EPHA1: variants seen among roughly 807,000 people sequenced by gnomAD.
EPHA1 encodes ephrin type-A receptor 1.
Under a neutral mutation model 110.1 loss-of-function variants are expected in EPHA1, and 92 were observed. That is an observed-to-expected ratio of 0.84 (90% confidence interval 0.71 to 0.99). The LOEUF (loss-of-function observed/expected upper bound fraction) is 0.99, where lower values mean the gene tolerates loss of function less well. Among genes scored for constraint, EPHA1 ranks in the 50% least tolerant of loss-of-function variants. The pLI is 0.00. For missense variants in EPHA1, 1,204 were observed against 1,285.4 expected (o/e 0.94, Z 0.97); for synonymous variants, 500 against 516.1 (o/e 0.97, Z 0.42).
Position 143,396,384 on chromosome 7 carries a change from CCTT to C in EPHA1, c.1895_1897del (p.Glu632del), listed in dbSNP as rs750412568. The C allele has an allele frequency of 2.7e-5, 44 of 1,611,490 alleles. No homozygotes were observed. Among genetic ancestry groups the C allele is most frequent in the South Asian group, 2.4e-4 (22 of 90,796 alleles). On this transcript the variant is annotated inframe_deletion and splice_region_variant, in exon 11 of 18. Transcript: ENST00000275815. ...CTGCTGCGGTGCACAGCAGGACTCA[CCTT>C]CTCCTATGACAGTGTCCACCATCAG...
At chr7:143,406,790 C>T (rs1457758002) in intron 2 of EPHA1, among the ~76,000 whole-genome samples, 1 of 152,180 alleles carries the variant, frequency 6.6e-6, no homozygotes, top group Non-Finnish European at 1.5e-5. Flanking sequence ...CACAGGTCAC[C>T]GAAGTGATTT....
rs1382144784 is a variant in EPHA1 at position 143,401,896 on chromosome 7, G to C, written c.151-291C>G. 6.6e-6 allele frequency among the ~76,000 whole-genome samples: 1 copy of C among 152,116 alleles called. No individual in the cohort carries two copies. The highest frequency in any genetic ancestry group is 1.5e-5 in the Non-Finnish European group (1 of 68,018). On this transcript the variant is annotated intron_variant, in intron 2 of 17. Transcript: ENST00000275815. The surrounding 1 kb of genome is among the most constrained non-coding windows in gnomAD (Gnocchi z 4.1). ...CAGCAGAACAGCCAGGTACCCCCAA[G>C]GCAAAGCTCATTTACAAAACCCTTC...
intron 16 of EPHA1, 36 bp from the exon 17 acceptor site, chr7:143,391,811 A>G: frequency 6.2e-7 from 1 of 1,608,718 alleles, no homozygotes; most frequent in Non-Finnish European, 8.5e-7. Flanking sequence ...CAGCGGGTAC[A>G]TGGGCTGATC....
chr7:143,403,293 C>T (rs1237213430), intron 2 of EPHA1, among the ~76,000 whole-genome samples: 1 of 152,200 alleles, frequency 6.6e-6, no homozygotes, highest in Admixed American at 6.5e-5. Context: ...ATGGCTTGAA[C>T]CCAGGAGGCG....
At chr7:143,406,827 TGA>T (rs1463161076) in intron 2 of EPHA1, among the ~76,000 whole-genome samples, 1 of 152,148 alleles carries the variant, frequency 6.6e-6, no homozygotes, top group Non-Finnish European at 1.5e-5. Context: ...AGGAAAAAAC[TGA>T]GTTTGGTTTT....
chr7:143,398,516 G>C lies in EPHA1; in HGVS notation c.1337-68C>G, dbSNP rs1805324018. The C allele has an allele frequency of 3.1e-6, 5 of 1,609,336 alleles. No individual in the cohort carries two copies. The South Asian group carries it at 4.4e-5, about 14-fold the overall frequency. ...GAAATAACCTTAGTAACTTTTCTAT[G>C]GCTTCCTGCCCATCAGTTTGTTCTG... On this transcript the variant is annotated intron_variant, in intron 6 of 17. Coordinates refer to ENST00000275815, the MANE Select transcript of EPHA1 (RefSeq NM_005232.5).
rs1805370142 is a variant in EPHA1 at position 143,399,857 on chromosome 7, C to G, written c.629G>C (p.Gly210Ala). 2 of 1,606,194 alleles carry G rather than the reference C, an allele frequency of 1.2e-6. No homozygotes were observed. ...FYQRCPETLN[G>A]LAQFPDTLPG... ...CAGAGTGTCTGGGAATTGGGCCAAG[C>G]CATTCAGGGTCTCAGGACAGCGCTG... The change falls in exon 4 of 18, where the codon GGC becomes GCC. Residue 210 changes from glycine (G) to alanine (A), a missense_variant. Physicochemically the swap from Gly to Ala is moderately conservative, Grantham distance 60. Coordinates refer to ENST00000275815, the MANE Select transcript of EPHA1 (RefSeq NM_005232.5).
Position 143,395,317 on chromosome 7 carries a change from A to T in EPHA1, c.2083+2T>A. Reference sequence around the variant, plus strand: ...CCAGCTGAGGGAGACCACTCATCGTACGCTTTGTGACGACGCCTTCCAGAT... The same window carrying T: ...CCAGCTGAGGGAGACCACTCATCGTTCGCTTTGTGACGACGCCTTCCAGAT... On this transcript the variant is annotated splice_donor_variant, in intron 12 of 17. Coordinates refer to ENST00000275815, the MANE Select transcript of EPHA1 (RefSeq NM_005232.5). LOFTEE classifies it high-confidence loss of function. The surrounding 1 kb of genome is among the most constrained non-coding windows in gnomAD (Gnocchi z 4.7). The T allele has an allele frequency of 6.2e-7, 1 of 1,614,062 alleles. No homozygotes were observed. Among genetic ancestry groups the T allele is most frequent in the South Asian group, 1.1e-5 (1 of 91,064 alleles).
At position 143,391,427 on chromosome 7, in the gene EPHA1, C is replaced by T. The variant is rs1805076463; in HGVS notation, c.*30G>A. ...CTTGGCCCCGTCCTTGCTCCTTGCA[C>T]CCTGATTGGGCATGGGGTGAGAGGA... On this transcript the variant is annotated 3_prime_UTR_variant, in exon 18 of 18. Coordinates refer to ENST00000275815, the MANE Select transcript of EPHA1 (RefSeq NM_005232.5). The T allele has an allele frequency of 1.9e-6, 3 of 1,613,392 alleles. No individual in the cohort carries two copies. The highest frequency in any genetic ancestry group is 1.7e-6 in the Non-Finnish European group (2 of 1,179,678).
Position 143,395,048 on chromosome 7 carries a change from G to C in EPHA1, c.2146-34C>G. 1.2e-6 allele frequency: 2 copies of C among 1,613,688 alleles called. No individual in the cohort carries two copies. Among genetic ancestry groups the C allele is most frequent in the South Asian group, 1.1e-5 (1 of 91,072 alleles). Reference sequence around the variant, plus strand: ...GGGTGAGTGGGTGAGTCAGGGGATGGGCCAGGTCTCCTCCCAGTGCCCAGG... The same window carrying C: ...GGGTGAGTGGGTGAGTCAGGGGATGCGCCAGGTCTCCTCCCAGTGCCCAGG... On this transcript the variant is annotated intron_variant, in intron 13 of 17. Transcript: ENST00000275815. The surrounding 1 kb of genome is among the most constrained non-coding windows in gnomAD (Gnocchi z 4.7).
chr7:143,398,660 G>C lies in EPHA1; in HGVS notation c.1277C>G (p.Ser426Ter). Reference sequence around the variant, plus strand: ...GGCATGGCCAGAGCTGCCCAGCCCTGACACTCCATTTTGGGCTTCCACATT... The same window carrying C: ...GGCATGGCCAGAGCTGCCCAGCCCTCACACTCCATTTTGGGCTTCCACATT... ...TFNVEAQNGV[S>*]GLGSSGHAST... The change falls in exon 6 of 18, where the codon TCA becomes TGA. Residue 426 changes from serine to a stop codon, truncating the protein, a stop_gained. Transcript: ENST00000275815. LOFTEE classifies it high-confidence loss of function. The C allele has an allele frequency of 6.2e-7, 1 of 1,614,090 alleles. No individual in the cohort carries two copies. Among genetic ancestry groups the C allele is most frequent in the Non-Finnish European group, 8.5e-7 (1 of 1,179,990 alleles).
At position 143,399,937 on chromosome 7, in the gene EPHA1, G is replaced by A. The variant is rs759046453; in HGVS notation, c.549C>T (p.Leu183=). ...CACAGGCACCCGGGTTGTGGAAAGCGAGGTAGAGGCCACGGCGGGTCAGGC... is the reference window on the plus strand; with the variant it reads ...CACAGGCACCCGGGTTGTGGAAAGCAAGGTAGAGGCCACGGCGGGTCAGGC... ...LGRLTRRGLY[L]AFHNPGACVA... Residue 183 remains leucine (L), a synonymous_variant, in exon 4 of 18, where the codon CTC becomes CTT. Coordinates refer to ENST00000275815, the MANE Select transcript of EPHA1 (RefSeq NM_005232.5). The A allele has an allele frequency of 3.5e-5, 56 of 1,613,738 alleles. No homozygotes were observed. Among genetic ancestry groups the A allele is most frequent in the Middle Eastern group, 1.6e-4 (1 of 6,084 alleles).
chr7:143,406,987 T>C (rs1450752679), intron 2 of EPHA1, among the ~76,000 whole-genome samples: 1 of 152,172 alleles, frequency 6.6e-6, no homozygotes, highest in Non-Finnish European at 1.5e-5. Flanking sequence ...CTGGAATGCA[T>C]GGTGTGCACG....
At position 143,402,713 on chromosome 7, in the gene EPHA1, G is replaced by A. The variant is rs1031047428; in HGVS notation, c.151-1108C>T. On this transcript the variant is annotated intron_variant, in intron 2 of 17. Transcript: ENST00000275815. Reference sequence around the variant, plus strand: ...AGTCACCGGTTTAAGCACTTTCCACGAGGAAACTGAGGCACAGGGAGGTCG... The same window carrying A: ...AGTCACCGGTTTAAGCACTTTCCACAAGGAAACTGAGGCACAGGGAGGTCG... Among the ~76,000 whole-genome samples the A allele has an allele frequency of 6.5e-4, 99 of 152,166 alleles. 2 individuals carry two copies. The highest frequency in any genetic ancestry group is 5.3e-4 in the Non-Finnish European group (36 of 68,032).
rs954357442 is a variant in EPHA1 at position 143,395,260 on chromosome 7, G to A, written c.2083+59C>T. 18 of 1,613,280 alleles carry A rather than the reference G, an allele frequency of 1.1e-5. No homozygotes were observed. In the African/African-American group the frequency reaches 1.9e-4, roughly 17 times the overall value. ...CACACATCCTCCCTCCACTTCCAGT[G>A]GTTTCACCCCTCTTTCCTGCATTTC... is the stretch of plus-strand genomic sequence containing the variant. On this transcript the variant is annotated intron_variant, in intron 12 of 17. Transcript: ENST00000275815. The surrounding 1 kb of genome is among the most constrained non-coding windows in gnomAD (Gnocchi z 4.7).
At chr7:143,402,516 C>A (rs1400736511) in intron 2 of EPHA1, among the ~76,000 whole-genome samples, 1 of 152,194 alleles carries the variant, frequency 6.6e-6, no homozygotes, top group Non-Finnish European at 1.5e-5. Context: ...CTTCAGCCTC[C>A]TGAGTAGTTG....
chr7:143,408,009 G>C, intron 1 of EPHA1: 1 of 191,630 alleles, frequency 5.2e-6, no homozygotes, highest in Non-Finnish European at 1.1e-5. Context: ...ATCAGCTGCA[G>C]GATTGGAACG....
In EPHA1 at chr7:143,391,721, G is replaced by C. The variant is rs1279896215; in HGVS notation, c.2751C>G (p.Thr917=). 1.9e-6 allele frequency: 3 copies of C among 1,613,978 alleles called. No homozygotes were observed. The East Asian group carries it at 6.7e-5, about 36-fold the overall frequency. ...LSGSDGIPYR[T]VSEWLESIRM... ...GTATGGACTCGAGCCACTCAGAGACGGTTCGATATGGGATCCCATCTGAGC... is the reference window on the plus strand; with the variant it reads ...GTATGGACTCGAGCCACTCAGAGACCGTTCGATATGGGATCCCATCTGAGC... Residue 917 remains threonine (T), a synonymous_variant, in exon 17 of 18, where the codon ACC becomes ACG. Coordinates refer to ENST00000275815, the MANE Select transcript of EPHA1 (RefSeq NM_005232.5).
intron 10 of EPHA1, 42 bp downstream of exon 10, chr7:143,397,262 T>C: frequency 6.5e-7 from 1 of 1,533,852 alleles, no homozygotes; most frequent in Non-Finnish European, 8.8e-7. Context: ...CACACAGGTG[T>C]GCACACGCAT....
Sources: gnomAD v4.1 joint callset for allele counts (sites outside exome capture counted in the v4.1 genomes callset) on GRCh38, gnomAD v4.1.1 for gene constraint, Gnocchi (gnomAD v3.1) non-coding constraint, MANE v1.5 for transcripts, NCBI Gene and HGNC (gene_info 2026-07-23, HGNC 2026-07-21) for gene names.